ABTB3: variants seen among roughly 807,000 people sequenced by gnomAD.
ABTB3 encodes the protein ankyrin repeat and BTB domain containing 3, also known as ankyrin repeat- and BTB/POZ domain-containing protein 3.
At chr12:107,538,996 T>G in the ABTB3 span, among the ~76,000 whole-genome samples, 1 of 152,336 alleles carries the variant, frequency 6.6e-6, no homozygotes, top group East Asian at 1.9e-4. Context: ...CAAGCCCACA[T>G]TGTGTGTCCA....
At chr12:107,503,756 C>CAAA in the ABTB3 span, among the ~76,000 whole-genome samples, 1,956 of 70,264 alleles carry the variant, frequency 0.028, 37 homozygotes, top group Non-Finnish European at 0.033. Context: ...GACCCTATCT[C>CAAA]AAAAAAAAAA....
chr12:107,328,566 C>T, the ABTB3 span, among the ~76,000 whole-genome samples: 1 of 152,182 alleles, frequency 6.6e-6, no homozygotes, highest in Admixed American at 6.5e-5. Context: ...GGGGAACTAC[C>T]AGTTGCTGAA....
the ABTB3 span, among the ~76,000 whole-genome samples, chr12:107,326,710 G>A: frequency 2.6e-5 from 4 of 152,166 alleles, no homozygotes; most frequent in Admixed American, 1.3e-4. Flanking sequence ...GGACCCATGA[G>A]GCAAAACAAA....
At chr12:107,579,100 G>A in the ABTB3 span, among the ~76,000 whole-genome samples, 2 of 152,234 alleles carry the variant, frequency 1.3e-5, 1 homozygote, top group Non-Finnish European at 2.9e-5. Context: ...TTCAAGTGAG[G>A]TAAAGTCAGG....
At chr12:107,469,551 G>C in the ABTB3 span, among the ~76,000 whole-genome samples, 19 of 152,188 alleles carry the variant, frequency 1.2e-4, no homozygotes, top group Non-Finnish European at 2.5e-4. Flanking sequence ...GTCATGTACG[G>C]GGGTGGAGAG....
At chr12:107,378,991 G>A in the ABTB3 span, among the ~76,000 whole-genome samples, 177 of 152,328 alleles carry the variant, frequency 1.2e-3, no homozygotes, top group East Asian at 0.01. Flanking sequence ...ACAGCAGCAG[G>A]CAGTGTGGTG....
the ABTB3 span, among the ~76,000 whole-genome samples, chr12:107,530,115 A>G: frequency 2.0e-5 from 3 of 152,176 alleles, no homozygotes; most frequent in Non-Finnish European, 4.4e-5. Flanking sequence ...CAAGAACAGA[A>G]GAAGGGAACC....
At chr12:107,336,059 C>T in the ABTB3 span, among the ~76,000 whole-genome samples, 1 of 152,208 alleles carries the variant, frequency 6.6e-6, no homozygotes, top group Non-Finnish European at 1.5e-5. Flanking sequence ...CTGCTGCATC[C>T]TCACCTCCCA....
the ABTB3 span, chr12:107,619,977 C>T: frequency 6.3e-7 from 1 of 1,597,080 alleles, no homozygotes; most frequent in Non-Finnish European, 8.5e-7. Context: ...GCTCCTCTCC[C>T]CGCTCCAGGC....
the ABTB3 span, among the ~76,000 whole-genome samples, chr12:107,548,186 T>TCTCTCTC: frequency 6.6e-6 from 1 of 151,592 alleles, no homozygotes; most frequent in Admixed American, 6.6e-5. Context: ...CTCTCCTCTC[T>TCTCTCTC]CCTGTGTTCT....
At chr12:107,657,455 A>T in the ABTB3 span, 1 of 1,490,528 alleles carries the variant, frequency 6.7e-7, no homozygotes, top group East Asian at 2.3e-5. Context: ...GCATAATCTG[A>T]AAGGTGCTTT....
chr12:107,493,082 G>GA, the ABTB3 span, among the ~76,000 whole-genome samples: 774 of 140,038 alleles, frequency 5.5e-3, 7 homozygotes, highest in African/African-American at 0.01. Context: ...ACAGAGAAAA[G>GA]AAAAAAAAAA....
the ABTB3 span, among the ~76,000 whole-genome samples, chr12:107,566,175 T>G: frequency 5.9e-5 from 9 of 152,232 alleles, no homozygotes; most frequent in Admixed American, 2.0e-4. Flanking sequence ...TATCTTTTCC[T>G]TGATTTTTAA....
the ABTB3 span, among the ~76,000 whole-genome samples, chr12:107,471,395 C>T: frequency 6.6e-6 from 1 of 152,096 alleles, no homozygotes; most frequent in African/African-American, 2.4e-5. Context: ...TTTCATCTTC[C>T]TAGAATTTTA....
At chr12:107,559,499 C>A in the ABTB3 span, among the ~76,000 whole-genome samples, 5 of 152,320 alleles carry the variant, frequency 3.3e-5, no homozygotes, top group African/African-American at 1.2e-4. Context: ...GAGGGGCCTG[C>A]AGAGAGAAAG....
chr12:107,605,839 T>A, the ABTB3 span, among the ~76,000 whole-genome samples: 4 of 152,162 alleles, frequency 2.6e-5, no homozygotes, highest in Non-Finnish European at 4.4e-5. Flanking sequence ...AAGAAGTGGA[T>A]GGATTTGGGA....
the ABTB3 span, among the ~76,000 whole-genome samples, chr12:107,502,347 G>A: frequency 6.6e-6 from 1 of 151,872 alleles, no homozygotes; most frequent in Non-Finnish European, 1.5e-5. Context: ...TAAGATTAAA[G>A]GTGTGAGCCA....
chr12:107,375,513 A>G, the ABTB3 span, among the ~76,000 whole-genome samples: 3 of 152,260 alleles, frequency 2.0e-5, no homozygotes, highest in Non-Finnish European at 4.4e-5. Flanking sequence ...CAACAAAACC[A>G]AAGCCCTCTC....
chr12:107,352,004 A>C, the ABTB3 span, among the ~76,000 whole-genome samples: 1 of 151,990 alleles, frequency 6.6e-6, no homozygotes, highest in Non-Finnish European at 1.5e-5. Flanking sequence ...TCCTTTACTA[A>C]CTAATTAATT....
Sources: allele counts gnomAD v4.1 joint callset (sites outside exome capture counted in the v4.1 genomes callset), GRCh38; gene constraint gnomAD v4.1.1; transcripts MANE v1.5; gene names NCBI Gene and HGNC (gene_info 2026-07-23, HGNC 2026-07-21).